Variants in XPR1 observed in about 807,000 individuals in gnomAD.
XPR1 encodes solute carrier family 53 member 1.
In XPR1, 28 loss-of-function variants were observed where a neutral mutation model predicts 87.5. The observed-to-expected ratio is 0.32, with a 90% CI of 0.24 to 0.44. The LOEUF is 0.44. Among genes scored for constraint, XPR1 ranks in the 20% least tolerant of loss-of-function variants. The pLI, the probability that XPR1 is intolerant of heterozygous loss-of-function variation, is 1.00. For missense variants in XPR1, 559 were observed against 862.3 expected, an observed-to-expected ratio of 0.65 and a Z score of 4.41; for synonymous variants, 300 against 306.1, an observed-to-expected ratio of 0.98 and a Z score of 0.21.
intron 11 of XPR1, among the ~76,000 whole-genome samples, chr1:180,843,008 C>G (rs1651567982): frequency 6.6e-6 from 1 of 152,208 alleles, no homozygotes; most frequent in South Asian, 2.1e-4. Context: ...CCAGATCTTT[C>G]TAGATCCCTT....
chr1:180,721,650 T>C (rs1020809071), intron 2 of XPR1, among the ~76,000 whole-genome samples: 3 of 152,142 alleles, frequency 2.0e-5, no homozygotes, highest in Non-Finnish European at 4.4e-5. Flanking sequence ...TCTGTGCAGG[T>C]CTACTTATAT....
intron 2 of XPR1, among the ~76,000 whole-genome samples, chr1:180,699,209 C>CTTTTTT (rs1168669274): frequency 1.3e-4 from 17 of 132,554 alleles, no homozygotes; most frequent in South Asian, 2.4e-4. Flanking sequence ...TTTATTCTTT[C>CTTTTTT]TTTTTTTTTT....
chr1:180,761,240 C>T (rs556080186), intron 2 of XPR1, among the ~76,000 whole-genome samples: 6,490 of 152,100 alleles, frequency 0.043, 487 homozygotes, highest in African/African-American at 0.15. Flanking sequence ...ACACCAAAAG[C>T]AATGGCAACA....
intron 1 of XPR1, among the ~76,000 whole-genome samples, chr1:180,654,413 T>C (rs755449200): frequency 5.9e-5 from 9 of 152,186 alleles, no homozygotes; most frequent in Non-Finnish European, 1.3e-4. Context: ...TGTGGTAAAA[T>C]ATGCATAATA....
intron 2 of XPR1, among the ~76,000 whole-genome samples, chr1:180,748,035 T>A (rs1046155163): frequency 3.9e-5 from 6 of 152,250 alleles, no homozygotes; most frequent in African/African-American, 1.4e-4. Context: ...AAGTTTACTA[T>A]AAATTATATC....
chr1:180,685,191 A>G lies in XPR1; in HGVS notation c.121+2780A>G, dbSNP rs1656721910. 3.9e-5 allele frequency among the ~76,000 whole-genome samples: 6 copies of G among 152,284 alleles called. No homozygotes were observed. In the South Asian group the frequency reaches 1.2e-3, roughly 32 times the overall value. ...ACCTAATTTATTGAGAGTTTTTAGC[A>G]TGAAGCGTTGTTGAATTTTGTCAAT... On this transcript the variant is annotated intron_variant, in intron 2 of 14. Coordinates refer to ENST00000367590, the MANE Select transcript of XPR1 (RefSeq NM_004736.4).
intron 11 of XPR1, among the ~76,000 whole-genome samples, chr1:180,853,281 G>A (rs1651925573): frequency 6.6e-6 from 1 of 152,026 alleles, no homozygotes; most frequent in Non-Finnish European, 1.5e-5. Context: ...GTTCAGGTTA[G>A]GAAATTTCTA....
At chr1:180,704,256 A>ATATATATATATG (rs1657468048) in intron 2 of XPR1, among the ~76,000 whole-genome samples, 1 of 133,576 alleles carries the variant, frequency 7.5e-6, no homozygotes, top group South Asian at 2.5e-4. Context: ...ATATATATAT[A>ATATATATATATG]TATATATATA....
intron 1 of XPR1, among the ~76,000 whole-genome samples, chr1:180,639,027 T>G (rs888659224): frequency 6.6e-6 from 1 of 152,308 alleles, no homozygotes; most frequent in East Asian, 1.9e-4. Flanking sequence ...CTGGGCATGG[T>G]GGCTCACACC....
intron 6 of XPR1, among the ~76,000 whole-genome samples, chr1:180,809,801 A>T (rs970476537): frequency 1.3e-5 from 2 of 152,200 alleles, no homozygotes; most frequent in African/African-American, 4.8e-5. Context: ...CAAATAAATT[A>T]TATGCATTCT....
chr1:180,751,722 C>CT (rs1647541762), intron 2 of XPR1, among the ~76,000 whole-genome samples: 1 of 152,128 alleles, frequency 6.6e-6, no homozygotes, highest in African/African-American at 2.4e-5. Flanking sequence ...ATACAGGTCA[C>CT]TGCCTGAAGT....
chr1:180,865,474 C>T (rs1394537879), intron 12 of XPR1, among the ~76,000 whole-genome samples: 3 of 151,048 alleles, frequency 2.0e-5, no homozygotes, highest in Non-Finnish European at 1.5e-5. Flanking sequence ...GATCTCGGCT[C>T]ACTGCCAGCT....
chr1:180,822,534 C>T (rs1650675185), intron 7 of XPR1, among the ~76,000 whole-genome samples: 1 of 152,126 alleles, frequency 6.6e-6, no homozygotes, highest in Non-Finnish European at 1.5e-5. Flanking sequence ...GTATTTTGTC[C>T]GTTGTTCATC....
intron 7 of XPR1, among the ~76,000 whole-genome samples, chr1:180,818,807 C>T (rs73042709): frequency 9.7e-4 from 148 of 152,234 alleles, no homozygotes; most frequent in African/African-American, 3.0e-3. Flanking sequence ...AAGTTTGCTT[C>T]AGGGAGATCA....
chr1:180,720,694 G>A (rs1658152366), intron 2 of XPR1, among the ~76,000 whole-genome samples: 1 of 152,132 alleles, frequency 6.6e-6, no homozygotes, highest in African/African-American at 2.4e-5. Flanking sequence ...AGAAACTTCT[G>A]GGGTGGGGCC....
At chr1:180,632,974 C>CTT (rs1231612831) in intron 1 of XPR1, among the ~76,000 whole-genome samples, 1 of 152,094 alleles carries the variant, frequency 6.6e-6, no homozygotes, top group Non-Finnish European at 1.5e-5. Flanking sequence ...GTTTTTGCCT[C>CTT]TTGTTTTGGA....
At chr1:180,858,492 G>A (rs550487180) in intron 11 of XPR1, among the ~76,000 whole-genome samples, 8 of 151,896 alleles carry the variant, frequency 5.3e-5, no homozygotes, top group East Asian at 3.9e-4. Context: ...TACTTTTTTC[G>A]TTTTAAAGTT....
intron 11 of XPR1, among the ~76,000 whole-genome samples, chr1:180,850,709 G>A (rs1370438026): frequency 6.6e-6 from 1 of 152,116 alleles, no homozygotes; most frequent in African/African-American, 2.4e-5. Flanking sequence ...TGTAATCTCA[G>A]CATTTTGGGA....
intron 1 of XPR1, among the ~76,000 whole-genome samples, chr1:180,673,774 G>A (rs542446526): frequency 1.1e-3 from 174 of 152,314 alleles, no homozygotes; most frequent in South Asian, 5.2e-3. Flanking sequence ...ATTGTCTTCC[G>A]TGAAACTAGT....
Sources: allele counts gnomAD v4.1 joint callset (sites outside exome capture counted in the v4.1 genomes callset), GRCh38; gene constraint gnomAD v4.1.1; transcripts MANE v1.5; gene names NCBI Gene and HGNC (gene_info 2026-07-23, HGNC 2026-07-21).